SHC1: variants seen among roughly 807,000 people sequenced by gnomAD.
The protein encoded by SHC1 is SHC-transforming protein 1.
SHC1 carries 30 observed loss-of-function variants against 55.9 expected under a neutral mutation model. The observed-to-expected ratio is 0.54, with a 90% CI of 0.40 to 0.73. The LOEUF (loss-of-function observed/expected upper bound fraction) is 0.73. Among genes scored for constraint, SHC1 ranks in the 30% least tolerant of loss-of-function variants. SHC1 has a pLI of 0.00. For synonymous variants in SHC1, 309 were observed against 306.1 expected, an observed-to-expected ratio of 1.01 and a Z score of -0.10; for missense variants, 675 against 777.1, an observed-to-expected ratio of 0.87 and a Z score of 1.56.
In SHC1 at chr1:154,962,304, A is replaced by T. The variant is rs1454326223; in HGVS notation, c.*1499T>A. The T allele has an allele frequency of 6.5e-6, 1 of 152,804 alleles. No homozygotes were observed. Among genetic ancestry groups the T allele is most frequent in the African/African-American group, 2.4e-5 (1 of 41,468 alleles). The allele number at this position is 152,804 out of a possible 1,614,324, so 9.5% of individuals were successfully genotyped here. A position where few individuals can be genotyped will look rare whatever the true frequency, so the allele number is the denominator to read the frequency against. ...AAGGGTTAAGAGGCAGAGGTAGAAG[A>T]AATACGGACTTTAATGAAGAGTTTT... On this transcript the variant is annotated 3_prime_UTR_variant, in exon 12 of 12. Transcript: ENST00000448116.
chr1:154,971,828 G>A (rs1462958528), upstream of SHC1, among the ~76,000 whole-genome samples: 1 of 152,090 alleles, frequency 6.6e-6, no homozygotes, highest in Non-Finnish European at 1.5e-5. Context: ...GTCAGGAGAA[G>A]ATGGGTTGAA....
chr1:154,970,345 A>G lies in SHC1; in HGVS notation c.182T>C (p.Phe61Ser). 6.2e-7 allele frequency: 1 copy of G among 1,606,572 alleles called. No homozygotes were observed. Among genetic ancestry groups the G allele is most frequent in the African/African-American group, 1.3e-5 (1 of 74,934 alleles). ...CCTCAGGTTGCTCATCCGGGGGAAG[A>G]AGGAGCACAGGGTAGTGGGACTATC... Reference protein sequence around the residue: ...GDDSPTTLCSFFPRMSNLRLA... With the variant: ...GDDSPTTLCSSFPRMSNLRLA... Residue 61 changes from phenylalanine to serine, a missense_variant, in exon 1 of 12, where the codon TTC (phenylalanine) becomes TCC (serine). Around this residue, in one of 3 missense-constraint regions of SHC1, gnomAD observed 156 missense variants for 159.1 expected, o/e 0.98. Coordinates refer to ENST00000448116, the MANE Select transcript of SHC1 (RefSeq NM_001130040.2). This position sits in a 1 kb window ranked among gnomAD's most constrained non-coding sequence, Gnocchi z 5.5.
In SHC1 at chr1:154,970,676, T is replaced by A; in HGVS notation, c.-150A>T. 1 of 572,694 alleles carries A rather than the reference T, an allele frequency of 1.7e-6. No homozygotes were observed. The highest frequency in any genetic ancestry group is 2.2e-5 in the South Asian group (1 of 46,394). 35.5% of individuals were successfully genotyped at this position (572,694 alleles called of 1,614,324 possible). On this transcript the variant is annotated 5_prime_UTR_variant, in exon 1 of 12. Coordinates refer to ENST00000448116, the MANE Select transcript of SHC1 (RefSeq NM_001130040.2). This position sits in a 1 kb window ranked among gnomAD's most constrained non-coding sequence, Gnocchi z 5.5. ...AGTCCTGGGGAGGGAGAGGGACAAG[T>A]GGCTTCCGCTCCCCAGCTCAGACCC...
upstream of SHC1, among the ~76,000 whole-genome samples, chr1:154,972,112 G>T (rs768516779): frequency 1.3e-5 from 2 of 151,954 alleles, no homozygotes; most frequent in Non-Finnish European, 2.9e-5. Flanking sequence ...GCTGGGCGTG[G>T]TGGCGGGCAC....
chr1:154,972,697 G>A (rs1656858155), upstream of SHC1, among the ~76,000 whole-genome samples: 1 of 152,190 alleles, frequency 6.6e-6, no homozygotes, highest in African/African-American at 2.4e-5. Context: ...TTGCCTACTG[G>A]AAGTCCAGGT....
chr1:154,962,771 G>A lies in SHC1; in HGVS notation c.*1032C>T, dbSNP rs1005673119. 1.3e-5 allele frequency: 2 copies of A among 152,718 alleles called. No individual in the cohort carries two copies. The highest frequency in any genetic ancestry group is 4.8e-5 in the African/African-American group (2 of 41,424). 9.5% of individuals were successfully genotyped at this position (152,718 alleles called of 1,614,324 possible). On this transcript the variant is annotated 3_prime_UTR_variant, in exon 12 of 12. Coordinates refer to ENST00000448116, the MANE Select transcript of SHC1 (RefSeq NM_001130040.2). ...CATTTTGTGCTCAAGAATAAGCAATGGAAAAGAAAATAGGAAAGTAAGTCT... is the reference window on the plus strand; with the variant it reads ...CATTTTGTGCTCAAGAATAAGCAATAGAAAAGAAAATAGGAAAGTAAGTCT...
At chr1:154,968,889 C>T in intron 2 of SHC1, 55 bp from the exon 3 acceptor site, 1 of 1,513,970 alleles carries the variant, frequency 6.6e-7, no homozygotes, top group Non-Finnish European at 9.2e-7. Flanking sequence ...TCCCACTCAA[C>T]TGGGGCTGCC....
rs1655485322 is a variant in SHC1, at chr1:154,962,903, T to G, written c.*900A>C. The G allele has an allele frequency of 6.5e-6, 1 of 152,742 alleles. No individual in the cohort carries two copies. Among genetic ancestry groups the G allele is most frequent in the Admixed American group, 6.5e-5 (1 of 15,284 alleles). 9.5% of individuals were successfully genotyped at this position (152,742 alleles called of 1,614,324 possible). On this transcript the variant is annotated 3_prime_UTR_variant, in exon 12 of 12. Coordinates refer to ENST00000448116, the MANE Select transcript of SHC1 (RefSeq NM_001130040.2). ...CTTTATAGTCTCAATGCCCCTTTTC[T>G]CACCTCCACAAAATCCACCTGGGAG...
At chr1:154,969,545 A>G in intron 1 of SHC1, 97 bp from the exon 2 acceptor site, 1 of 773,926 alleles carries the variant, frequency 1.3e-6, no homozygotes, top group East Asian at 2.7e-5. Context: ...TCCCTAAGGG[A>G]AGTAAAGAGG....
At position 154,966,363 on chromosome 1, in the gene SHC1, T is replaced by A; in HGVS notation, c.1138A>T (p.Thr380Ser). 6.2e-7 allele frequency: 1 copy of A among 1,614,138 alleles called. No individual in the cohort carries two copies. Among genetic ancestry groups the A allele is most frequent in the Non-Finnish European group, 8.5e-7 (1 of 1,180,000 alleles). Residue 380 changes from threonine to serine, a missense_variant, in exon 8 of 12, where the codon ACT becomes TCT. Physicochemically the swap from Thr to Ser is moderately conservative, Grantham distance 58 (BLOSUM62 1). Coordinates refer to ENST00000448116, the MANE Select transcript of SHC1 (RefSeq NM_001130040.2). ...EGAAPGAARP[T>S]APNAQTPSHL... The stretch of plus-strand genomic sequence containing the variant: ...CTGGGGGTCTGGGCATTGGGTGCAG[T>A]GGGTCGAGCAGCCCCTGGAGCGGCT...
Position 154,966,018 on chromosome 1 carries a change from G to T in SHC1, c.1315C>A (p.Gln439Lys). ...GGGGGCCCAGCACCACCCACTGCTT[G>T]CCGGGCCTTGTCTAGGTTCTGGACG... ...VNVQNLDKAR[Q>K]AVGGAGPPNP... The change falls in exon 10 of 12, where the codon CAA (glutamine) becomes AAA (lysine). Residue 439 changes from glutamine to lysine, a missense_variant. Coordinates refer to ENST00000448116, the MANE Select transcript of SHC1 (RefSeq NM_001130040.2). The T allele has an allele frequency of 6.2e-7, 1 of 1,614,074 alleles. No homozygotes were observed. Among genetic ancestry groups the T allele is most frequent in the Admixed American group, 1.7e-5 (1 of 60,012 alleles).
chr1:154,970,284 C>T lies in SHC1; in HGVS notation c.243G>A (p.Lys81=), dbSNP rs1403036237. 1.9e-6 allele frequency: 3 copies of T among 1,607,162 alleles called. No individual in the cohort carries two copies. The highest frequency in any genetic ancestry group is 2.6e-6 in the Non-Finnish European group (3 of 1,175,922). The change falls in exon 1 of 12, where the codon AAG becomes AAA. Residue 81 remains lysine (K), a synonymous_variant. Transcript: ENST00000448116. The surrounding 1 kb of genome is among the most constrained non-coding windows in gnomAD (Gnocchi z 5.5). ...CATCAGCTGCCCTTCCTGGCTCCCCCTTAGACCCTGGGCGCCCCCCAGCCG... is the reference window on the plus strand; with the variant it reads ...CATCAGCTGCCCTTCCTGGCTCCCCTTTAGACCCTGGGCGCCCCCCAGCCG... The part of the protein sequence containing the change: ...ANPAGGRPGS[K]GEPGRAADDG...
At chr1:154,965,860 CAGGA>C in intron 10 of SHC1, 79 bp from the exon 11 acceptor site, 1 of 1,574,052 alleles carries the variant, frequency 6.4e-7, no homozygotes, top group Non-Finnish European at 8.7e-7. Flanking sequence ...GAAGGGAAGT[CAGGA>C]AGGAAAGAGC....
chr1:154,972,159 C>A (rs1217928404), upstream of SHC1, among the ~76,000 whole-genome samples: 1 of 151,544 alleles, frequency 6.6e-6, no homozygotes, highest in Non-Finnish European at 1.5e-5. Context: ...GCAGGAGAAT[C>A]GCTCGAACCC....
At chr1:154,964,480 AAAAC>A (rs1452575117) in intron 11 of SHC1, 14 of 355,544 alleles carry the variant, frequency 3.9e-5, no homozygotes, top group Admixed American at 1.1e-4. Flanking sequence ...ATTACTGTAG[AAAAC>A]AAACAAAAGT....
At chr1:154,968,291 G>C in intron 4 of SHC1, 34 bp from the exon 5 acceptor site, 1 of 1,609,898 alleles carries the variant, frequency 6.2e-7, no homozygotes, top group Non-Finnish European at 8.5e-7. Context: ...AGAAGGAAGG[G>C]AATGCCATGT....
rs559315032 is a variant in SHC1, at chr1:154,965,348, C to T, written c.1626+195G>A. 104 of 1,556,114 alleles carry T rather than the reference C, an allele frequency of 6.7e-5. No homozygotes were observed. The East Asian group carries it at 7.6e-4, about 11-fold the overall frequency. ...CACCACGCCTGGCCCTGTGCCAGGA[C>T]TATAAAGAACATAGTTCAGGCTAAG... is the stretch of plus-strand genomic sequence containing the variant. On this transcript the variant is annotated intron_variant, in intron 11 of 11. Coordinates refer to ENST00000448116, the MANE Select transcript of SHC1 (RefSeq NM_001130040.2).
intron 6 of SHC1, 86 bp from the exon 7 acceptor site, chr1:154,967,883 C>T (rs1307134248): frequency 1.3e-5 from 21 of 1,603,564 alleles, no homozygotes; most frequent in Non-Finnish European, 1.7e-5. Flanking sequence ...TGCAGGAACC[C>T]CCACTGAGAT....
Position 154,965,938 on chromosome 1 carries a change from G to C in SHC1, c.1387+8C>G. 6.2e-7 allele frequency: 1 copy of C among 1,605,996 alleles called. No individual in the cohort carries two copies. The highest frequency in any genetic ancestry group is 8.5e-7 in the Non-Finnish European group (1 of 1,174,094). On this transcript the variant is annotated splice_region_variant and intron_variant, in intron 10 of 11. Coordinates refer to ENST00000448116, the MANE Select transcript of SHC1 (RefSeq NM_001130040.2). ...GGGGATGCAGAGAGGAGAGAGACGA[G>C]CACTCACTCATGTCAAACAGGTCCC...
Sources: gnomAD v4.1 joint callset for allele counts (sites outside exome capture counted in the v4.1 genomes callset) on GRCh38, gnomAD v4.1.1 for gene constraint, gnomAD v4.1.1 regional missense constraint, Gnocchi (gnomAD v3.1) non-coding constraint, MANE v1.5 for transcripts, NCBI Gene and HGNC (gene_info 2026-07-23, HGNC 2026-07-21) for gene names.